Variants in MTOR observed in about 807,000 individuals in gnomAD.
The protein encoded by MTOR is serine/threonine-protein kinase mTOR.
In MTOR, 70 loss-of-function variants were observed where a neutral mutation model predicts 319.8. The observed-to-expected ratio is 0.22, with a 90% confidence interval of 0.18 to 0.27. The LOEUF (loss-of-function observed/expected upper bound fraction) is 0.27, where lower values mean the gene tolerates loss of function less well. MTOR is among the 10% of genes least tolerant of loss of function. The probability of loss-of-function intolerance (pLI) is 1.00; values close to 1 mark genes in which losing one functional copy is unlikely to be tolerated. For synonymous variants in MTOR, 1,183 were observed against 1,211.4 expected (o/e 0.98, Z 0.49); for missense variants, 1,890 against 3,274.4 (o/e 0.58, Z 10.32).
chr1:11,222,190 TTTA>T, intron 19 of MTOR, among the ~76,000 whole-genome samples: 1 of 146,036 alleles, frequency 6.8e-6, no homozygotes, highest in African/African-American at 2.7e-5. Context: ...TTAAAATTTA[TTTA>T]AAAAAAATTT....
chr1:11,204,726 G>A (rs773590174), intron 25 of MTOR, 23 bp from the exon 26 acceptor site: 53 of 1,606,396 alleles, frequency 3.3e-5, no homozygotes, highest in South Asian at 9.9e-5. Flanking sequence ...AGGTGACAAT[G>A]GAAAACAATC....
At position 11,212,283 on chromosome 1, in the gene MTOR, G is replaced by A. The variant is rs2100792517; in HGVS notation, c.3561+29C>T. 6.3e-7 allele frequency: 1 copy of A among 1,596,368 alleles called. No individual in the cohort carries two copies. The highest frequency in any genetic ancestry group is 8.5e-7 in the Non-Finnish European group (1 of 1,170,898). On this transcript the variant is annotated intron_variant, in intron 23 of 57. Coordinates refer to ENST00000361445, the MANE Select transcript of MTOR (RefSeq NM_004958.4). This position sits in a 1 kb window ranked among gnomAD's most constrained non-coding sequence, Gnocchi z 4.1. ...TCTTCTTTCCAAATAAGGCAGAAGA[G>A]CACCTGTCTGTCCAGACTCCCATCT... is the stretch of plus-strand genomic sequence containing the variant.
intron 29 of MTOR, among the ~76,000 whole-genome samples, chr1:11,158,179 G>T (rs1644374179): frequency 6.6e-6 from 1 of 152,082 alleles, no homozygotes; most frequent in African/African-American, 2.4e-5. Context: ...CTCAATAAAT[G>T]ACTATTTTTG....
chr1:11,194,429 C>T (rs1326477749), intron 28 of MTOR: 5 of 1,606,880 alleles, frequency 3.1e-6, no homozygotes, highest in East Asian at 2.2e-5. Flanking sequence ...GAGCCTGCTG[C>T]ACTTTCTTTA....
chr1:11,189,537 A>G, intron 28 of MTOR: 1 of 1,541,390 alleles, frequency 6.5e-7, no homozygotes, highest in Admixed American at 2.0e-5. Context: ...GCATCTCCAG[A>G]CTCCCCTGAA....
rs1648071957 is a variant in MTOR at position 11,241,795 on chromosome 1, G to A, written c.1413-114C>T. 1.2e-5 allele frequency: 14 copies of A among 1,205,226 alleles called. No homozygotes were observed. In the East Asian group the frequency reaches 2.4e-4, roughly 21 times the overall value. 74.7% of individuals were successfully genotyped at this position (1,205,226 alleles called of 1,614,324 possible). A position where few individuals can be genotyped will look rare whatever the true frequency, so the allele number is the denominator to read the frequency against. On this transcript the variant is annotated intron_variant, in intron 9 of 57. Transcript: ENST00000361445. ...TTACTCAGGCAGGGCTACCACAGAT[G>A]GGTATGCAAATTGTCCAGAGCACAG...
intron 25 of MTOR, among the ~76,000 whole-genome samples, chr1:11,205,401 C>T (rs997053001): frequency 2.0e-5 from 3 of 152,206 alleles, no homozygotes; most frequent in Admixed American, 2.0e-4. Context: ...GCTCTCTGAT[C>T]TTTGGCAAGT....
rs1258859229 is a variant in MTOR, at chr1:11,212,708, G to A, written c.3398+88C>T. The A allele has an allele frequency of 8.0e-7, 1 of 1,256,254 alleles. No individual in the cohort carries two copies. The highest frequency in any genetic ancestry group is 2.3e-5 in the East Asian group (1 of 42,790). 77.8% of individuals were successfully genotyped at this position (1,256,254 alleles called of 1,614,324 possible). A position where few individuals can be genotyped will look rare whatever the true frequency, so the allele number is the denominator to read the frequency against. On this transcript the variant is annotated intron_variant, in intron 22 of 57. Coordinates refer to ENST00000361445, the MANE Select transcript of MTOR (RefSeq NM_004958.4). This position sits in a 1 kb window ranked among gnomAD's most constrained non-coding sequence, Gnocchi z 4.1. Reference sequence around the variant, plus strand: ...GTGAGTTGAAATAACAAAAAAAATAGAAAGATGGCCTGGGAACTTAAGAAA... The same window carrying A: ...GTGAGTTGAAATAACAAAAAAAATAAAAAGATGGCCTGGGAACTTAAGAAA...
In MTOR at chr1:11,115,678, C is replaced by T. The variant is rs548353144; in HGVS notation, c.7017-210G>A. On this transcript the variant is annotated intron_variant, in intron 50 of 57. Coordinates refer to ENST00000361445, the MANE Select transcript of MTOR (RefSeq NM_004958.4). This position sits in a 1 kb window ranked among gnomAD's most constrained non-coding sequence, Gnocchi z 4.5. ...ACTGTTCCAGGCTGCTTCCATGCTA[C>T]GACAGCAGAGCTGACTAGTTGTGAC... 23 of 534,346 alleles carry T rather than the reference C, an allele frequency of 4.3e-5. No homozygotes were observed. Among genetic ancestry groups the T allele is most frequent in the Admixed American group, 9.1e-5 (3 of 33,090 alleles). The allele number at this position is 534,346 out of a possible 1,614,324, so 33.1% of individuals were successfully genotyped here. A position where few individuals can be genotyped will look rare whatever the true frequency, so the allele number is the denominator to read the frequency against.
intron 28 of MTOR, among the ~76,000 whole-genome samples, chr1:11,183,599 G>A (rs1386661222): frequency 6.6e-6 from 1 of 151,938 alleles, no homozygotes. Flanking sequence ...GACTACTTTT[G>A]TTGCATTTCT....
At chr1:11,223,324 G>C (rs1353522232) in intron 19 of MTOR, among the ~76,000 whole-genome samples, 2 of 97,214 alleles carry the variant, frequency 2.1e-5, no homozygotes, top group Non-Finnish European at 5.9e-5. Flanking sequence ...TCTGAAGAAG[G>C]GTTGGTATTA....
intron 29 of MTOR, among the ~76,000 whole-genome samples, chr1:11,158,861 G>C (rs377635393): frequency 3.9e-5 from 6 of 152,200 alleles, no homozygotes; most frequent in African/African-American, 1.4e-4. Context: ...AAACTATAAG[G>C]TTTAAGCAAT....
At chr1:11,242,972 A>G in intron 9 of MTOR, 142 bp downstream of exon 9, 2 of 769,272 alleles carry the variant, frequency 2.6e-6, no homozygotes, top group East Asian at 2.7e-5. Flanking sequence ...TCAACTAAGG[A>G]AGGGCTGTTC....
At chr1:11,139,183 T>C in intron 36 of MTOR, 121 bp downstream of exon 36, 14 of 1,352,582 alleles carry the variant, frequency 1.0e-5, no homozygotes, top group Non-Finnish European at 1.3e-5. Context: ...AGAGACTCCC[T>C]GACATTGTGA....
At chr1:11,238,269 T>C in intron 12 of MTOR, 133 bp downstream of exon 12, 1 of 1,026,186 alleles carries the variant, frequency 9.7e-7, no homozygotes, top group Non-Finnish European at 1.5e-6. Flanking sequence ...CTAACACGCC[T>C]TGGCAGAGAA....
In MTOR at chr1:11,213,951, T is replaced by C. The variant is rs192048690; in HGVS notation, c.3118-385A>G. On this transcript the variant is annotated intron_variant, in intron 20 of 57. Coordinates refer to ENST00000361445, the MANE Select transcript of MTOR (RefSeq NM_004958.4). ...CTTGGGTCCTTTGCACTCCCTTTGA[T>C]AGCGATAGCAGTTGTAAGACTTCCT... 1.9e-3 allele frequency among the ~76,000 whole-genome samples: 283 copies of C among 152,342 alleles called. 2 individuals carry two copies. Among genetic ancestry groups the C allele is most frequent in the Non-Finnish European group, 2.4e-3 (166 of 68,032 alleles).
In MTOR at chr1:11,209,579, A is replaced by C. The variant is rs1206950609; in HGVS notation, c.3655-121T>G. ...AGCCAGGATTTCAGTAAGAAGTAAA[A>C]AGTTGCACATATGGACAAAATGAAC... On this transcript the variant is annotated intron_variant, in intron 24 of 57. Transcript: ENST00000361445. The C allele has an allele frequency of 5.9e-6, 7 of 1,185,312 alleles. No homozygotes were observed. In the African/African-American group the frequency reaches 9.2e-5, roughly 15 times the overall value. The allele number at this position is 1,185,312 out of a possible 1,614,324, so 73.4% of individuals were successfully genotyped here. A position where few individuals can be genotyped will look rare whatever the true frequency, so the allele number is the denominator to read the frequency against.
intron 11 of MTOR, among the ~76,000 whole-genome samples, chr1:11,239,933 A>G (rs1647779625): frequency 6.6e-6 from 1 of 151,940 alleles, no homozygotes. Context: ...GAAAAAAGAA[A>G]TCATACTGCC....
At chr1:11,240,056 C>A (rs1301150038) in intron 11 of MTOR, among the ~76,000 whole-genome samples, 1 of 152,176 alleles carries the variant, frequency 6.6e-6, no homozygotes, top group Non-Finnish European at 1.5e-5. Flanking sequence ...GTCTCTGAAG[C>A]ATTATTTCCT....
Sources: gnomAD v4.1 joint callset for allele counts (sites outside exome capture counted in the v4.1 genomes callset) on GRCh38, gnomAD v4.1.1 for gene constraint, Gnocchi (gnomAD v3.1) non-coding constraint, MANE v1.5 for transcripts, NCBI Gene and HGNC (gene_info 2026-07-23, HGNC 2026-07-21) for gene names.